The following ZNF518A variants were observed in gnomAD, a reference collection of about 807,000 sequenced individuals.
The protein encoded by ZNF518A is zinc finger protein 518.
ZNF518A carries 47 observed loss-of-function variants against 102.7 expected under a neutral mutation model. The ratio of observed to expected loss-of-function variants is 0.46; its 90% confidence interval spans 0.36 to 0.58. ZNF518A has a LOEUF of 0.58. Ranked by LOEUF, ZNF518A falls within the 20% of genes least tolerant of loss-of-function variation. ZNF518A has a pLI of 0.00. For synonymous variants in ZNF518A, 652 were observed against 594.6 expected, an observed-to-expected ratio of 1.10 and a Z score of -1.40; for missense variants, 1,793 against 1,699.8, an observed-to-expected ratio of 1.05 and a Z score of -0.96.
chr10:96,167,349 G>A (rs1330571526), downstream of ZNF518A, among the ~76,000 whole-genome samples: 1 of 152,140 alleles, frequency 6.6e-6, no homozygotes, highest in East Asian at 1.9e-4. Flanking sequence ...AGCTACTCAG[G>A]AGGCTGAGGC....
At position 96,160,127 on chromosome 10, in the gene ZNF518A, G is replaced by A; in HGVS notation, c.3805G>A (p.Ala1269Thr). The A allele has an allele frequency of 1.9e-6, 3 of 1,610,504 alleles. No homozygotes were observed. The highest frequency in any genetic ancestry group is 1.7e-6 in the Non-Finnish European group (2 of 1,178,822). ...KTHGSKDSETAFVSRNRNCKR... is the reference protein window; with the variant it reads ...KTHGSKDSETTFVSRNRNCKR... ...TCATGGAAGTAAAGACTCTGAAACT[G>A]CCTTTGTATCTAGAAACAGAAACTG... Residue 1269 changes from alanine to threonine, a missense_variant, in exon 6 of 6, where the codon GCC becomes ACC. Ala to Thr is a moderately conservative substitution (Grantham distance 58, BLOSUM62 0). This residue lies in a region of ZNF518A where 1,741 missense variants were observed against 1,622.6 expected (regional missense o/e 1.07). Coordinates refer to ENST00000316045, the MANE Select transcript of ZNF518A (RefSeq NM_001330736.2).
intron 3 of ZNF518A, among the ~76,000 whole-genome samples, chr10:96,154,666 C>G (rs1430625935): frequency 6.6e-6 from 1 of 152,106 alleles, no homozygotes; most frequent in Admixed American, 6.5e-5. Flanking sequence ...TCCTGGTTTC[C>G]TGACAGTTCC....
intron 1 of ZNF518A, among the ~76,000 whole-genome samples, chr10:96,201,347 T>C (rs782512682): frequency 2.7e-4 from 41 of 152,320 alleles, no homozygotes; most frequent in African/African-American, 9.1e-4. Context: ...GAAACAGAGA[T>C]GAGAATCCAG....
intron 1 of ZNF518A, among the ~76,000 whole-genome samples, chr10:96,199,735 C>T (rs147819828): frequency 1.3e-3 from 203 of 152,264 alleles, no homozygotes; most frequent in African/African-American, 4.6e-3. Context: ...ATGATCAGAC[C>T]TTGGCCGGGC....
Position 96,161,617 on chromosome 10 carries a change from G to A in ZNF518A, c.*843G>A, listed in dbSNP as rs956218702. The stretch of plus-strand genomic sequence containing the variant: ...TCATGTTTGTCCTCCATAAACAAAT[G>A]GCCATTTTTTTCTTCTTGGTTCCCA... On this transcript the variant is annotated 3_prime_UTR_variant, in exon 6 of 6. Coordinates refer to ENST00000316045, the MANE Select transcript of ZNF518A (RefSeq NM_001330736.2). 2 of 166,720 alleles carry A rather than the reference G, an allele frequency of 1.2e-5. No homozygotes were observed. The highest frequency in any genetic ancestry group is 2.1e-4 in the South Asian group (1 of 4,826). 10.3% of individuals were successfully genotyped at this position (166,720 alleles called of 1,614,324 possible).
chr10:96,188,735 C>T (rs2083287343), intron 1 of ZNF518A, among the ~76,000 whole-genome samples: 2 of 152,174 alleles, frequency 1.3e-5, no homozygotes. Context: ...TACAAAATTT[C>T]CCAAACCCCT....
Position 96,157,803 on chromosome 10 carries a change from T to A in ZNF518A, c.1481T>A (p.Phe494Tyr). The change falls in exon 6 of 6, where the codon TTT becomes TAT. Residue 494 changes from phenylalanine to tyrosine, a missense_variant. Phe to Tyr is a conservative substitution (Grantham distance 22). This residue lies in a region of ZNF518A where 1,741 missense variants were observed against 1,622.6 expected (regional missense o/e 1.07). Transcript: ENST00000316045. ...LQPQTLDTNGFLTGVTTELND... is the reference protein window; with the variant it reads ...LQPQTLDTNGYLTGVTTELND... ...CCCCAGACTTTGGACACTAATGGAT[T>A]TTTAACAGGAGTAACAACTGAGTTA... 6.2e-7 allele frequency: 1 copy of A among 1,613,874 alleles called. No homozygotes were observed. Among genetic ancestry groups the A allele is most frequent in the South Asian group, 1.1e-5 (1 of 91,072 alleles).
Position 96,162,906 on chromosome 10 carries a change from A to G in ZNF518A, c.*2132A>G, listed in dbSNP as rs1369767525. 2 of 166,972 alleles carry G rather than the reference A, an allele frequency of 1.2e-5. No homozygotes were observed. Among genetic ancestry groups the G allele is most frequent in the African/African-American group, 4.8e-5 (2 of 41,452 alleles). 10.3% of individuals were successfully genotyped at this position (166,972 alleles called of 1,614,324 possible). A position where few individuals can be genotyped will look rare whatever the true frequency, so the allele number is the denominator to read the frequency against. ...GATGATATATTGTTTAAGAAAGGTA[A>G]CATATACCATAATTTTACTATGGTT... On this transcript the variant is annotated 3_prime_UTR_variant, in exon 6 of 6. Transcript: ENST00000316045.
rs2082819459 is a variant in ZNF518A, at chr10:96,158,501, A to G, written c.2179A>G (p.Asn727Asp). The G allele has an allele frequency of 6.8e-6, 11 of 1,612,494 alleles. No individual in the cohort carries two copies. The highest frequency in any genetic ancestry group is 9.3e-6 in the Non-Finnish European group (11 of 1,179,558). The change falls in exon 6 of 6, where the codon AAC becomes GAC. Residue 727 changes from asparagine to aspartate, a missense_variant. Asn to Asp is a conservative substitution (Grantham distance 23). Coordinates refer to ENST00000316045, the MANE Select transcript of ZNF518A (RefSeq NM_001330736.2). ...EEQYVLEKGQ[N>D]IDGQNLYSNE... Reference sequence around the variant, plus strand: ...ACAGTATGTTTTAGAAAAAGGACAAAACATTGATGGACAAAACCTGTACAG... The same window carrying G: ...ACAGTATGTTTTAGAAAAAGGACAAGACATTGATGGACAAAACCTGTACAG...
In ZNF518A at chr10:96,158,543, T is replaced by G. The variant is rs2133805154; in HGVS notation, c.2221T>G (p.Leu741Val). 1 of 1,612,900 alleles carries G rather than the reference T, an allele frequency of 6.2e-7. No homozygotes were observed. The highest frequency in any genetic ancestry group is 2.2e-5 in the East Asian group (1 of 44,866). ...CCTGTACAGTAATGAAAATCAAAAT[T>G]TAGAGTGTGCGACTGAAAAATCTAA... is the stretch of plus-strand genomic sequence containing the variant. ...QNLYSNENQN[L>V]ECATEKSKWE... The change falls in exon 6 of 6, where the codon TTA becomes GTA. Residue 741 changes from leucine to valine, a missense_variant. Physicochemically the swap from Leu to Val is conservative, Grantham distance 32. This residue lies in a region of ZNF518A where 1,741 missense variants were observed against 1,622.6 expected (regional missense o/e 1.07). Coordinates refer to ENST00000316045, the MANE Select transcript of ZNF518A (RefSeq NM_001330736.2).
rs1220647158 is a variant in ZNF518A, at chr10:96,200,805, T to C, written n.36-2769T>C. Among the ~76,000 whole-genome samples the C allele has an allele frequency of 6.6e-6, 1 of 152,188 alleles. No individual in the cohort carries two copies. Among genetic ancestry groups the C allele is most frequent in the Non-Finnish European group, 1.5e-5 (1 of 68,028 alleles). ...ATTAACTGGAGCAATGTCTTAGTCA[T>C]TGAAAAAAAACAACAACTGGGTATT... On this transcript the variant is annotated intron_variant and non_coding_transcript_variant, in intron 1 of 2. Transcript: ENST00000442635. The surrounding 1 kb of genome is among the most constrained non-coding windows in gnomAD (Gnocchi z 4.3).
rs2082723077 is a variant in ZNF518A, at chr10:96,156,952, A to G, written c.630A>G (p.Glu210=). 6.2e-6 allele frequency: 10 copies of G among 1,613,914 alleles called. No individual in the cohort carries two copies. Among genetic ancestry groups the G allele is most frequent in the Non-Finnish European group, 8.5e-6 (10 of 1,179,812 alleles). The change falls in exon 6 of 6, where the codon GAA becomes GAG. Residue 210 remains glutamate (E), a synonymous_variant. Transcript: ENST00000316045. ...THCVNGNFQC[E]KCKFSTQDVG... Reference sequence around the variant, plus strand: ...GTGTTAATGGTAATTTTCAATGTGAAAAGTGTAAGTTCTCCACCCAGGATG... The same window carrying G: ...GTGTTAATGGTAATTTTCAATGTGAGAAGTGTAAGTTCTCCACCCAGGATG...
chr10:96,150,082 T>C (rs2082356465), intron 3 of ZNF518A, among the ~76,000 whole-genome samples: 1 of 151,126 alleles, frequency 6.6e-6, no homozygotes, highest in Non-Finnish European at 1.5e-5. Flanking sequence ...CTGAGCACTT[T>C]GGGAGGCTGA....
At chr10:96,204,315 T>C, downstream of ZNF518A, 1 of 703,976 alleles carries the variant, frequency 1.4e-6, no homozygotes, top group South Asian at 1.8e-5. Context: ...TATTGTATTT[T>C]AGTCAAGTTC....
intron 1 of ZNF518A, among the ~76,000 whole-genome samples, chr10:96,179,470 A>G (rs1554891785): frequency 1.3e-5 from 2 of 152,212 alleles, no homozygotes; most frequent in Non-Finnish European, 2.9e-5. Flanking sequence ...AACTGACAGT[A>G]TCAAGTACTG....
Position 96,149,763 on chromosome 10 carries a change from A to C in ZNF518A, c.-301-5563A>C, listed in dbSNP as rs1554879758. 2.0e-5 allele frequency among the ~76,000 whole-genome samples: 3 copies of C among 152,110 alleles called. No individual in the cohort carries two copies. The South Asian group carries it at 6.2e-4, about 32-fold the overall frequency. ...TGCTGTAAGGGATTCTAAATATTTG[A>C]TGTCACAGGTGTTCTTTTTCTCCAT... On this transcript the variant is annotated intron_variant, in intron 3 of 5. Coordinates refer to ENST00000316045, the MANE Select transcript of ZNF518A (RefSeq NM_001330736.2).
intron 1 of ZNF518A, chr10:96,189,788 G>T: frequency 1.1e-6 from 1 of 906,766 alleles, no homozygotes; most frequent in Non-Finnish European, 1.8e-6. Context: ...ACCACCTCCA[G>T]GGACAGATCA....
At position 96,157,212 on chromosome 10, in the gene ZNF518A, A is replaced by T; in HGVS notation, c.890A>T (p.Lys297Ile). ...EHLYAKEKLE[K>I]DKYEKRMAKT... ...TTATATGCAAAAGAAAAACTGGAAA[A>T]AGACAAATATGAAAAAAGAATGGCA... Residue 297 changes from lysine (K) to isoleucine (I), a missense_variant, in exon 6 of 6, where the codon AAA becomes ATA. Physicochemically the swap from Lys to Ile is moderately radical, Grantham distance 102. Around this residue, in one of 3 missense-constraint regions of ZNF518A, gnomAD observed 1,741 missense variants for 1,622.6 expected, o/e 1.07. Coordinates refer to ENST00000316045, the MANE Select transcript of ZNF518A (RefSeq NM_001330736.2). 6.2e-7 allele frequency: 1 copy of T among 1,609,726 alleles called. No homozygotes were observed. Among genetic ancestry groups the T allele is most frequent in the Non-Finnish European group, 8.5e-7 (1 of 1,178,310 alleles).
In ZNF518A at chr10:96,156,296, A is replaced by G. The variant is rs782305918; in HGVS notation, c.-27A>G. ...TAACTTCAAGAGTTTTCAGAAAAAA[A>G]GAAATTGGGACTTTTTTGGTTAAAT... is the stretch of plus-strand genomic sequence containing the variant. On this transcript the variant is annotated 5_prime_UTR_variant, in exon 6 of 6. Coordinates refer to ENST00000316045, the MANE Select transcript of ZNF518A (RefSeq NM_001330736.2). 2.0e-6 allele frequency: 3 copies of G among 1,532,886 alleles called. No homozygotes were observed. Among genetic ancestry groups the G allele is most frequent in the Non-Finnish European group, 2.6e-6 (3 of 1,147,734 alleles). 95.0% of individuals were successfully genotyped at this position (1,532,886 alleles called of 1,614,324 possible). A position where few individuals can be genotyped will look rare whatever the true frequency, so the allele number is the denominator to read the frequency against.
Sources: allele counts gnomAD v4.1 joint callset (sites outside exome capture counted in the v4.1 genomes callset), GRCh38; gene constraint gnomAD v4.1.1; regional missense constraint gnomAD v4.1.1; non-coding constraint Gnocchi (gnomAD v3.1); transcripts MANE v1.5; gene names NCBI Gene and HGNC (gene_info 2026-07-23, HGNC 2026-07-21).